The following RTN4RL2 variants were observed in gnomAD, a reference collection of about 807,000 sequenced individuals.
RTN4RL2 encodes the protein reticulon 4 receptor like 2.
A neutral mutation model predicts 27.8 loss-of-function variants in RTN4RL2; 9 were observed. The observed-to-expected ratio is 0.32, with a 90% confidence interval of 0.20 to 0.57. The LOEUF (loss-of-function observed/expected upper bound fraction) is 0.57. Ranked by LOEUF, RTN4RL2 falls within the 20% of genes least tolerant of loss-of-function variation. RTN4RL2 has a pLI of 0.90. For missense variants in RTN4RL2, 436 were observed against 596.8 expected (o/e 0.73, Z 2.81); for synonymous variants, 285 against 297.9 (o/e 0.96, Z 0.45).
intron 2 of RTN4RL2, among the ~76,000 whole-genome samples, chr11:57,475,339 T>C (rs772595386): frequency 5.3e-5 from 8 of 152,098 alleles, no homozygotes; most frequent in Non-Finnish European, 1.0e-4. Flanking sequence ...GTGGGCTTCA[T>C]AATTGGACCA....
chr11:57,461,272 C>CTGGCCAGG (rs2135113264), intron 1 of RTN4RL2, among the ~76,000 whole-genome samples: 1 of 152,284 alleles, frequency 6.6e-6, no homozygotes, highest in African/African-American at 2.4e-5. Context: ...TCAGCACTTT[C>CTGGCCAGG]TGGCCACCTG....
chr11:57,461,020 C>T, intron 1 of RTN4RL2, 124 bp downstream of exon 1: 1 of 547,538 alleles, frequency 1.8e-6, no homozygotes, highest in Non-Finnish European at 2.9e-6. Flanking sequence ...GGGAAAAGCT[C>T]AGCGCTGGGG....
At position 57,476,217 on chromosome 11, in the gene RTN4RL2, G is replaced by T; in HGVS notation, c.569G>T (p.Arg190Leu). The T allele has an allele frequency of 1.2e-6, 2 of 1,611,988 alleles. No individual in the cohort carries two copies. Among genetic ancestry groups the T allele is most frequent in the Non-Finnish European group, 1.7e-6 (2 of 1,179,228 alleles). Residue 190 changes from arginine to leucine, a missense_variant, in exon 3 of 3, where the codon CGC (arginine) becomes CTC (leucine). This residue lies in a region of RTN4RL2 where 365 missense variants were observed against 530.5 expected (regional missense o/e 0.69). Transcript: ENST00000335099. This position sits in a 1 kb window ranked among gnomAD's most constrained non-coding sequence, Gnocchi z 8.2. ...AGCCACCTCTTCCTCCACGGGAACC[G>T]CCTGCGGCTGCTCACAGAGCACGTG... is the stretch of plus-strand genomic sequence containing the variant. ...NLSHLFLHGN[R>L]LRLLTEHVFR...
intron 2 of RTN4RL2, among the ~76,000 whole-genome samples, chr11:57,475,645 T>G (rs1186904305): frequency 6.6e-6 from 1 of 152,124 alleles, no homozygotes; most frequent in African/African-American, 2.4e-5. Context: ...TCATTTAATC[T>G]CTACATTATA....
chr11:57,474,805 G>A (rs1291005264), intron 2 of RTN4RL2, among the ~76,000 whole-genome samples: 5 of 152,190 alleles, frequency 3.3e-5, no homozygotes, highest in Non-Finnish European at 1.5e-5. Flanking sequence ...CACTGGCCGT[G>A]GGCCACACAC....
In RTN4RL2 at chr11:57,476,089, C is replaced by T; in HGVS notation, c.514-73C>T. 1 of 1,456,058 alleles carries T rather than the reference C, an allele frequency of 6.9e-7. No individual in the cohort carries two copies. The highest frequency in any genetic ancestry group is 9.3e-7 in the Non-Finnish European group (1 of 1,074,836). The allele number at this position is 1,456,058 out of a possible 1,614,324, so 90.2% of individuals were successfully genotyped here. On this transcript the variant is annotated intron_variant, in intron 2 of 2. Transcript: ENST00000335099. This position sits in a 1 kb window ranked among gnomAD's most constrained non-coding sequence, Gnocchi z 8.2. ...GGTGCACCCCCTTCCCTCCCCCGGCCAAGGCCCCAGCGGGGTCTGCACCCT... is the reference window on the plus strand; with the variant it reads ...GGTGCACCCCCTTCCCTCCCCCGGCTAAGGCCCCAGCGGGGTCTGCACCCT...
intron 2 of RTN4RL2, among the ~76,000 whole-genome samples, chr11:57,470,436 C>A (rs2729395): frequency 0.43 from 65,480 of 151,718 alleles, 14,566 homozygotes; most frequent in East Asian, 0.68. Context: ...TTAGTAGAGA[C>A]GGGTTTCACC....
At position 57,467,217 on chromosome 11, in the gene RTN4RL2, A is replaced by T. The variant is rs1413574503; in HGVS notation, c.32-392A>T. On this transcript the variant is annotated intron_variant, in intron 1 of 2. Transcript: ENST00000335099. The surrounding 1 kb of genome is among the most constrained non-coding windows in gnomAD (Gnocchi z 5.5). Reference sequence around the variant, plus strand: ...CTCTAGGCCTTTATTTTTATTTTCTATTTTTTCCCCTGAAACAGGGTCTTG... The same window carrying T: ...CTCTAGGCCTTTATTTTTATTTTCTTTTTTTTCCCCTGAAACAGGGTCTTG... Among the ~76,000 whole-genome samples, 1 of 151,490 alleles carries T rather than the reference A, an allele frequency of 6.6e-6. No individual in the cohort carries two copies. The highest frequency in any genetic ancestry group is 2.4e-5 in the African/African-American group (1 of 41,158).
At chr11:57,466,490 GT>G (rs1943526028) in intron 1 of RTN4RL2, among the ~76,000 whole-genome samples, 1 of 152,172 alleles carries the variant, frequency 6.6e-6, no homozygotes, top group Non-Finnish European at 1.5e-5. Flanking sequence ...AAAGAAAGAA[GT>G]TTTTAAGTAA....
chr11:57,470,282 C>CT (rs1943554580), intron 2 of RTN4RL2, among the ~76,000 whole-genome samples: 1 of 152,164 alleles, frequency 6.6e-6, no homozygotes, highest in South Asian at 2.1e-4. Flanking sequence ...ACGTCCCACT[C>CT]TATCGCCCAG....
rs1437425339 is a variant in RTN4RL2, at chr11:57,460,843, C to T, written c.-23C>T. On this transcript the variant is annotated 5_prime_UTR_variant, in exon 1 of 3. Coordinates refer to ENST00000335099, the MANE Select transcript of RTN4RL2 (RefSeq NM_178570.3). ...TGGGAGCGCCCTCCCCCCGCTGCCC[C>T]CTCCCCCGAGCATCGAGACAAGATG... 2.9e-6 allele frequency: 4 copies of T among 1,398,226 alleles called. No homozygotes were observed. The highest frequency in any genetic ancestry group is 1.5e-5 in the African/African-American group (1 of 66,596). 86.6% of individuals were successfully genotyped at this position (1,398,226 alleles called of 1,614,324 possible).
At position 57,476,704 on chromosome 11, in the gene RTN4RL2, T is replaced by C; in HGVS notation, c.1056T>C (p.Pro352=). The change falls in exon 3 of 3, where the codon CCT becomes CCC. Residue 352 remains proline, a synonymous_variant. Coordinates refer to ENST00000335099, the MANE Select transcript of RTN4RL2 (RefSeq NM_178570.3). This position sits in a 1 kb window ranked among gnomAD's most constrained non-coding sequence, Gnocchi z 8.2. The stretch of plus-strand genomic sequence containing the variant: ...CCTCCACCCTCTACCGAGATCTGCC[T>C]GCCGAAGACTCGCGGGGGCGCCAGG... The part of the protein sequence containing the change: ...ADPSTLYRDL[P]AEDSRGRQGG... The C allele has an allele frequency of 1.0e-5, 15 of 1,440,204 alleles. No individual in the cohort carries two copies. Among genetic ancestry groups the C allele is most frequent in the African/African-American group, 1.5e-5 (1 of 67,258 alleles). 89.2% of individuals were successfully genotyped at this position (1,440,204 alleles called of 1,614,324 possible).
intron 1 of RTN4RL2, among the ~76,000 whole-genome samples, chr11:57,463,730 T>C (rs1372431322): frequency 6.6e-6 from 1 of 150,664 alleles, no homozygotes; most frequent in Admixed American, 6.6e-5. Flanking sequence ...GTGGTGGTGC[T>C]GAGGAGGAGT....
chr11:57,476,335 C>T lies in RTN4RL2; in HGVS notation c.687C>T (p.Leu229=), dbSNP rs759815039. ...HRAAFRGLSR[L]TILYLFNNSL... is the part of the protein sequence containing the mutation. ...CGGCCTTCCGCGGCCTCAGCCGCCT[C>T]ACCATCCTCTACCTGTTCAACAACA... is the stretch of plus-strand genomic sequence containing the variant. The change falls in exon 3 of 3, where the codon CTC becomes CTT. Residue 229 remains leucine, a synonymous_variant. Coordinates refer to ENST00000335099, the MANE Select transcript of RTN4RL2 (RefSeq NM_178570.3). This position sits in a 1 kb window ranked among gnomAD's most constrained non-coding sequence, Gnocchi z 8.2. 4 of 1,611,484 alleles carry T rather than the reference C, an allele frequency of 2.5e-6. No individual in the cohort carries two copies. The East Asian group carries it at 6.7e-5, about 27-fold the overall frequency.
Position 57,477,526 on chromosome 11 carries a change from A to G in RTN4RL2, c.*615A>G, listed in dbSNP as rs112009289. 1.3e-5 allele frequency: 2 copies of G among 152,182 alleles called. No individual in the cohort carries two copies. The highest frequency in any genetic ancestry group is 4.8e-5 in the African/African-American group (2 of 41,454). 9.4% of individuals were successfully genotyped at this position (152,182 alleles called of 1,614,324 possible). A position where few individuals can be genotyped will look rare whatever the true frequency, so the allele number is the denominator to read the frequency against. The stretch of plus-strand genomic sequence containing the variant: ...GAAAAAAAATTTATTAAAAAATTCT[A>G]TTATTTTATCTACTGTAAGATTTGT... On this transcript the variant is annotated 3_prime_UTR_variant, in exon 3 of 3. Transcript: ENST00000335099.
In RTN4RL2 at chr11:57,476,866, C is replaced by A. The variant is rs566251446; in HGVS notation, c.1218C>A (p.Pro406=). 3 of 1,577,620 alleles carry A rather than the reference C, an allele frequency of 1.9e-6. No homozygotes were observed. Among genetic ancestry groups the A allele is most frequent in the African/African-American group, 2.8e-5 (2 of 72,310 alleles). ...GCCCTGCGCTCTCGGCCGGGCTCCCCAGCCCTCTGCTTTGCCTCCTGCTCC... is the reference window on the plus strand; with the variant it reads ...GCCCTGCGCTCTCGGCCGGGCTCCCAAGCCCTCTGCTTTGCCTCCTGCTCC... ...SRGPALSAGL[P]SPLLCLLLLV... Residue 406 remains proline, a synonymous_variant, in exon 3 of 3, where the codon CCC becomes CCA. Transcript: ENST00000335099. This position sits in a 1 kb window ranked among gnomAD's most constrained non-coding sequence, Gnocchi z 8.2.
At chr11:57,470,033 A>G (rs1943552314) in intron 2 of RTN4RL2, among the ~76,000 whole-genome samples, 1 of 152,202 alleles carries the variant, frequency 6.6e-6, no homozygotes, top group African/African-American at 2.4e-5. Flanking sequence ...CCACACACCC[A>G]GGAAGAGCTG....
chr11:57,465,050 C>A (rs1377972687), intron 1 of RTN4RL2, among the ~76,000 whole-genome samples: 1 of 152,176 alleles, frequency 6.6e-6, no homozygotes, highest in African/African-American at 2.4e-5. Flanking sequence ...GACGCAGCAC[C>A]GACGCAGCGC....
chr11:57,476,516 A>G lies in RTN4RL2; in HGVS notation c.868A>G (p.Thr290Ala). The change falls in exon 3 of 3, where the codon ACC becomes GCC. Residue 290 changes from threonine to alanine, a missense_variant. By Grantham distance (58) the Thr-to-Ala change is moderately conservative. Coordinates refer to ENST00000335099, the MANE Select transcript of RTN4RL2 (RefSeq NM_178570.3). The surrounding 1 kb of genome is among the most constrained non-coding windows in gnomAD (Gnocchi z 8.2). ...GTCCAGCTCCGACGTGACCTGCGCC[A>G]CCCCCCCGGAGCGCCAGGGCCGAGA... ...RVSSSDVTCATPPERQGRDLR... is the reference protein window; with the variant it reads ...RVSSSDVTCAAPPERQGRDLR... 1 of 1,456,932 alleles carries G rather than the reference A, an allele frequency of 6.9e-7. No homozygotes were observed. The highest frequency in any genetic ancestry group is 1.4e-5 in the South Asian group (1 of 73,756). 90.3% of individuals were successfully genotyped at this position (1,456,932 alleles called of 1,614,324 possible). A position where few individuals can be genotyped will look rare whatever the true frequency, so the allele number is the denominator to read the frequency against.
Sources: allele counts gnomAD v4.1 joint callset (sites outside exome capture counted in the v4.1 genomes callset), GRCh38; gene constraint gnomAD v4.1.1; regional missense constraint gnomAD v4.1.1; non-coding constraint Gnocchi (gnomAD v3.1); transcripts MANE v1.5; gene names NCBI Gene and HGNC (gene_info 2026-07-23, HGNC 2026-07-21).